The following NUP160 variants were observed in gnomAD, a reference collection of about 807,000 sequenced individuals.
NUP160 encodes the protein nuclear pore complex protein Nup160.
A neutral mutation model predicts 196.9 loss-of-function variants in NUP160; 94 were observed. That is an observed-to-expected ratio of 0.48 (90% CI 0.40 to 0.57). The LOEUF (loss-of-function observed/expected upper bound fraction) is 0.57, where lower values mean the gene tolerates loss of function less well. Ranked by LOEUF, NUP160 falls within the 20% of genes least tolerant of loss-of-function variation. NUP160 has a pLI of 0.00. For synonymous variants in NUP160, 605 were observed against 619.7 expected, an observed-to-expected ratio of 0.98 and a Z score of 0.35; for missense variants, 1,638 against 1,748.3, an observed-to-expected ratio of 0.94 and a Z score of 1.13.
At chr11:47,780,490 C>T in intron 34 of NUP160, 43 bp from the exon 35 acceptor site, 1 of 1,322,316 alleles carries the variant, frequency 7.6e-7, no homozygotes, top group Non-Finnish European at 1.1e-6. Context: ...GCAAAGTGTA[C>T]CATTTCTTCT....
intron 23 of NUP160, among the ~76,000 whole-genome samples, chr11:47,799,382 G>A (rs530539873): frequency 1.4e-4 from 21 of 150,626 alleles, no homozygotes; most frequent in South Asian, 4.2e-4. Flanking sequence ...CACTGTGCCC[G>A]GCCTGACAAA....
chr11:47,805,152 CAG>C (rs753013793), intron 20 of NUP160, among the ~76,000 whole-genome samples: 102 of 150,400 alleles, frequency 6.8e-4, no homozygotes, highest in Non-Finnish European at 9.2e-4. Context: ...TTTTTTGAGA[CAG>C]AGTCTCACTC....
At chr11:47,821,917 G>T in intron 8 of NUP160, 96 bp from the exon 9 acceptor site, 2 of 1,088,452 alleles carry the variant, frequency 1.8e-6, no homozygotes, top group Non-Finnish European at 1.4e-6. Flanking sequence ...GTAAATGTAT[G>T]AAAACAAAAC....
At chr11:47,842,902 C>T (rs1370357793) in intron 2 of NUP160, among the ~76,000 whole-genome samples, 1 of 151,900 alleles carries the variant, frequency 6.6e-6, no homozygotes, top group Admixed American at 6.6e-5. Flanking sequence ...ATGGGAGGAT[C>T]GATTGAGCCT....
intron 20 of NUP160, among the ~76,000 whole-genome samples, chr11:47,805,105 T>C (rs184520958): frequency 2.5e-3 from 370 of 150,820 alleles, no homozygotes; most frequent in Middle Eastern, 0.014. Flanking sequence ...GCATATAGAG[T>C]CATTCAATAA....
intron 7 of NUP160, among the ~76,000 whole-genome samples, chr11:47,831,752 G>T (rs193186243): frequency 1.3e-5 from 2 of 150,176 alleles, no homozygotes; most frequent in African/African-American, 4.9e-5. Flanking sequence ...CTGAGGCAGG[G>T]GAACTGCTTG....
intron 6 of NUP160, among the ~76,000 whole-genome samples, chr11:47,836,355 T>C (rs931984031): frequency 6.6e-6 from 1 of 152,186 alleles, no homozygotes; most frequent in South Asian, 2.1e-4. Context: ...TTTAGATGAA[T>C]CTTGAAAACC....
chr11:47,804,094 T>C (rs573143199), intron 21 of NUP160, among the ~76,000 whole-genome samples: 4 of 151,770 alleles, frequency 2.6e-5, no homozygotes, highest in Admixed American at 1.3e-4. Context: ...GACAGGAGAA[T>C]TGCTTGAACC....
exon 34 of NUP160, chr11:47,783,196 C>T: frequency 6.2e-7 from 1 of 1,613,046 alleles, no homozygotes; most frequent in Non-Finnish European, 8.5e-7. Flanking sequence ...CAGCATCAAC[C>T]TTCTGTGAAA....
intron 2 of NUP160, among the ~76,000 whole-genome samples, chr11:47,846,014 T>C (rs565308978): frequency 1.3e-5 from 2 of 151,924 alleles, no homozygotes; most frequent in Admixed American, 1.3e-4. Flanking sequence ...TGCATACTTG[T>C]AATTCCAGCT....
At chr11:47,789,163 C>A (rs2097666488) in intron 29 of NUP160, among the ~76,000 whole-genome samples, 1 of 152,156 alleles carries the variant, frequency 6.6e-6, no homozygotes, top group African/African-American at 2.4e-5. Context: ...AGGCATCAGC[C>A]ACTGTGCCCA....
intron 20 of NUP160, among the ~76,000 whole-genome samples, chr11:47,805,884 G>T (rs1053682035): frequency 1.3e-5 from 2 of 151,502 alleles, no homozygotes; most frequent in African/African-American, 4.9e-5. Flanking sequence ...GTGGTGGCGC[G>T]AGCTTGGCTC....
In NUP160 at chr11:47,839,824, G is replaced by A. The variant is rs759202161; in HGVS notation, c.748+19C>T. On this transcript the variant is annotated intron_variant, in intron 4 of 35. Transcript: ENST00000378460. ...ATTCCTTGTTTAAAGTTAAATCCAT[G>A]CTCAGTTCCCATTCTTACCAGGTAT... 1.3e-6 allele frequency: 2 copies of A among 1,575,570 alleles called. No homozygotes were observed. Among genetic ancestry groups the A allele is most frequent in the Admixed American group, 3.3e-5 (2 of 59,922 alleles).
At chr11:47,819,304 C>T (rs953156024) in intron 10 of NUP160, 70 bp downstream of exon 10, 9 of 1,136,180 alleles carry the variant, frequency 7.9e-6, no homozygotes, top group Non-Finnish European at 1.2e-5. Flanking sequence ...CAGAGCGAGA[C>T]TCTGTCTCAA....
At chr11:47,841,922 C>T (rs1248339887) in intron 2 of NUP160, among the ~76,000 whole-genome samples, 1 of 151,938 alleles carries the variant, frequency 6.6e-6, no homozygotes, top group East Asian at 1.9e-4. Flanking sequence ...CTCCTGGCCT[C>T]AAGCCTCCCA....
chr11:47,803,913 C>T (rs1170017786), intron 21 of NUP160, among the ~76,000 whole-genome samples: 1 of 152,154 alleles, frequency 6.6e-6, no homozygotes, highest in East Asian at 1.9e-4. Flanking sequence ...AGGCCAGGCA[C>T]GGTGGCTCAT....
At chr11:47,801,954 A>G (rs753443239) in intron 22 of NUP160, 24 bp from the exon 23 acceptor site, 51 of 1,611,874 alleles carry the variant, frequency 3.2e-5, no homozygotes, top group Non-Finnish European at 4.1e-5. Flanking sequence ...ATATAAAATG[A>G]CTTGTAACAG....
At chr11:47,846,464 C>A (rs1390889707) in intron 2 of NUP160, among the ~76,000 whole-genome samples, 2 of 152,134 alleles carry the variant, frequency 1.3e-5, no homozygotes, top group Non-Finnish European at 2.9e-5. Flanking sequence ...CTGTAAATGG[C>A]AACCCCTCCC....
At chr11:47,845,212 C>T (rs965095548) in intron 2 of NUP160, among the ~76,000 whole-genome samples, 1 of 152,160 alleles carries the variant, frequency 6.6e-6, no homozygotes, top group Non-Finnish European at 1.5e-5. Context: ...GTGATCTCAG[C>T]TCACTGCACC....
Sources: allele counts gnomAD v4.1 joint callset (sites outside exome capture counted in the v4.1 genomes callset), GRCh38; gene constraint gnomAD v4.1.1; transcripts MANE v1.5; gene names NCBI Gene and HGNC (gene_info 2026-07-23, HGNC 2026-07-21).